TP63: variants seen among roughly 807,000 people sequenced by gnomAD.
The protein encoded by TP63 is tumor protein 63.
In TP63, 17 loss-of-function variants were observed where a neutral mutation model predicts 82.8. The observed-to-expected ratio is 0.21, with a 90% CI of 0.14 to 0.31. The LOEUF is 0.31. Ranked by LOEUF, TP63 falls within the 10% of genes least tolerant of loss-of-function variation. TP63 has a pLI of 1.00. For missense variants in TP63, 648 were observed against 895.3 expected, an observed-to-expected ratio of 0.72 and a Z score of 3.52; for synonymous variants, 330 against 321.7, an observed-to-expected ratio of 1.03 and a Z score of -0.28.
intron 4 of TP63, among the ~76,000 whole-genome samples, chr3:189,813,767 G>C (rs1367752964): frequency 2.0e-5 from 3 of 152,174 alleles, no homozygotes; most frequent in African/African-American, 7.2e-5. Context: ...CCAGCACACA[G>C]TAAACCTTTA....
In TP63 at chr3:189,818,794, C is replaced by T. The variant is rs371533341; in HGVS notation, c.579+10268C>T. ...TTTACTCTTCCTGCCTGATACCCCACTCCCCAAAACAGAGTAGTCTTGAGG... is the reference window on the plus strand; with the variant it reads ...TTTACTCTTCCTGCCTGATACCCCATTCCCCAAAACAGAGTAGTCTTGAGG... On this transcript the variant is annotated intron_variant, in intron 4 of 13. Transcript: ENST00000264731. Among the ~76,000 whole-genome samples, 4 of 152,124 alleles carry T rather than the reference C, an allele frequency of 2.6e-5. No individual in the cohort carries two copies. The South Asian group carries it at 8.3e-4, about 32-fold the overall frequency.
At chr3:189,749,410 G>T (rs1209050235) in intron 3 of TP63, among the ~76,000 whole-genome samples, 2 of 152,054 alleles carry the variant, frequency 1.3e-5, no homozygotes, top group Non-Finnish European at 1.5e-5. Flanking sequence ...TTCAAAAAAA[G>T]ATGTAAAAAT....
chr3:189,717,860 G>A (rs1429367535), intron 1 of TP63, among the ~76,000 whole-genome samples: 1 of 152,302 alleles, frequency 6.6e-6, no homozygotes, highest in East Asian at 1.9e-4. Flanking sequence ...CATAGAGTTA[G>A]TAGTAACAGG....
chr3:189,771,605 T>C (rs1232813596), intron 3 of TP63, among the ~76,000 whole-genome samples: 1 of 150,638 alleles, frequency 6.6e-6, no homozygotes, highest in African/African-American at 2.5e-5. Flanking sequence ...ATTGCCTTCC[T>C]GTTAATAATG....
At chr3:189,757,863 C>G (rs999189050) in intron 3 of TP63, among the ~76,000 whole-genome samples, 2 of 152,052 alleles carry the variant, frequency 1.3e-5, no homozygotes, top group African/African-American at 4.8e-5. Flanking sequence ...AAGGCAGTCT[C>G]CCGATAGATA....
Position 189,859,518 on chromosome 3 carries a change from A to G in TP63, c.580-4714A>G, listed in dbSNP as rs541545817. Among the ~76,000 whole-genome samples the G allele has an allele frequency of 1.8e-4, 28 of 152,328 alleles. No homozygotes were observed. In the East Asian group the frequency reaches 5.0e-3, roughly 27 times the overall value. On this transcript the variant is annotated intron_variant, in intron 4 of 13. Coordinates refer to ENST00000264731, the MANE Select transcript of TP63 (RefSeq NM_003722.5). Reference sequence around the variant, plus strand: ...ATTTAAACCACAATGAGATCTGCATACATACCAGAATGACATCAATTAAAA... The same window carrying G: ...ATTTAAACCACAATGAGATCTGCATGCATACCAGAATGACATCAATTAAAA...
the TP63 span, among the ~76,000 whole-genome samples, chr3:189,625,130 A>G: frequency 6.6e-6 from 1 of 152,190 alleles, no homozygotes; most frequent in Non-Finnish European, 1.5e-5. Flanking sequence ...CTATGTTACA[A>G]TTTATGACAA....
chr3:189,706,617 C>T (rs1577276035), intron 1 of TP63, among the ~76,000 whole-genome samples: 2 of 152,282 alleles, frequency 1.3e-5, no homozygotes, highest in South Asian at 2.1e-4. Context: ...GCCGTGGGCT[C>T]TCTGCATCTT....
Position 189,886,537 on chromosome 3 carries a change from G to T in TP63, c.1493G>T (p.Gly498Val). 6.2e-7 allele frequency: 1 copy of T among 1,614,044 alleles called. No individual in the cohort carries two copies. Among genetic ancestry groups the T allele is most frequent in the Non-Finnish European group, 8.5e-7 (1 of 1,179,984 alleles). ...CTCACTCCTACAACCATTCCTGATGGCATGGGAGCCAACAGTAAGAGCATC... is the reference window on the plus strand; with the variant it reads ...CTCACTCCTACAACCATTCCTGATGTCATGGGAGCCAACAGTAAGAGCATC... ...NALTPTTIPD[G>V]MGANIPMMGT... is the part of the protein sequence containing the mutation. The change falls in exon 11 of 14, where the codon GGC (glycine) becomes GTC (valine). Residue 498 changes from glycine to valine, a missense_variant. By Grantham distance (109) the Gly-to-Val change is moderately radical. Transcript: ENST00000264731.
chr3:189,697,823 A>G (rs911312666), intron 1 of TP63, among the ~76,000 whole-genome samples: 1 of 150,610 alleles, frequency 6.6e-6, no homozygotes, highest in South Asian at 2.1e-4. Flanking sequence ...ATAAATTTCT[A>G]TAAATTTTCA....
chr3:189,771,107 T>G (rs973720630), intron 3 of TP63, among the ~76,000 whole-genome samples: 2 of 151,392 alleles, frequency 1.3e-5, no homozygotes, highest in African/African-American at 4.9e-5. Flanking sequence ...TTAGTATGTA[T>G]GACTAATTAA....
At position 189,897,047 on chromosome 3, in the gene TP63, C is replaced by A; in HGVS notation, c.*2545C>A. The A allele has an allele frequency of 9.0e-6, 2 of 221,862 alleles. No homozygotes were observed. Among genetic ancestry groups the A allele is most frequent in the Non-Finnish European group, 1.8e-5 (2 of 111,324 alleles). 13.7% of individuals were successfully genotyped at this position (221,862 alleles called of 1,614,324 possible). A position where few individuals can be genotyped will look rare whatever the true frequency, so the allele number is the denominator to read the frequency against. On this transcript the variant is annotated 3_prime_UTR_variant, in exon 14 of 14. Coordinates refer to ENST00000264731, the MANE Select transcript of TP63 (RefSeq NM_003722.5). Reference sequence around the variant, plus strand: ...TTGAATGTTAAAGGGATATTTTTTTCTATTATTTTTATAATTGTACAAAAT... The same window carrying A: ...TTGAATGTTAAAGGGATATTTTTTTATATTATTTTTATAATTGTACAAAAT...
At chr3:189,789,066 C>T (rs1005387390) in intron 3 of TP63, among the ~76,000 whole-genome samples, 4 of 151,826 alleles carry the variant, frequency 2.6e-5, no homozygotes, top group Non-Finnish European at 4.4e-5. Flanking sequence ...GAAACATGCT[C>T]GAAAAAATCA....
intron 4 of TP63, among the ~76,000 whole-genome samples, chr3:189,849,448 G>A (rs1333760317): frequency 6.6e-6 from 1 of 152,080 alleles, no homozygotes; most frequent in Non-Finnish European, 1.5e-5. Context: ...AGGACACCCA[G>A]CTTGGTGTCT....
intron 4 of TP63, among the ~76,000 whole-genome samples, chr3:189,824,105 C>G (rs1729080130): frequency 6.6e-6 from 1 of 152,108 alleles, no homozygotes; most frequent in South Asian, 2.1e-4. Context: ...GAGGAGAAAC[C>G]AAAGCAGTCC....
At chr3:189,740,241 T>A (rs1003033806) in intron 3 of TP63, among the ~76,000 whole-genome samples, 2 of 152,192 alleles carry the variant, frequency 1.3e-5, no homozygotes, top group African/African-American at 4.8e-5. Flanking sequence ...TTGGACTATA[T>A]CATAATTCAA....
Position 189,749,337 on chromosome 3 carries a change from T to TA in TP63, c.324+10570dup, listed in dbSNP as rs1392718636. On this transcript the variant is annotated intron_variant, in intron 3 of 13. Transcript: ENST00000264731. ...ATATATGAGGAACTCAAGTCAACAGTAAAAAAATAAATAATCCCGTAAAAA... is the reference window on the plus strand; with the variant it reads ...ATATATGAGGAACTCAAGTCAACAGTAAAAAAAATAAATAATCCCGTAAAAA... 2.6e-5 allele frequency among the ~76,000 whole-genome samples: 4 copies of TA among 151,620 alleles called. No individual in the cohort carries two copies. The East Asian group carries it at 5.8e-4, about 22-fold the overall frequency.
chr3:189,615,740 A>G, the TP63 span, among the ~76,000 whole-genome samples: 1 of 152,180 alleles, frequency 6.6e-6, no homozygotes, highest in Non-Finnish European at 1.5e-5. Flanking sequence ...TCGTTACCTC[A>G]GGCCATTTCT....
intron 13 of TP63, among the ~76,000 whole-genome samples, chr3:189,891,558 A>C (rs772179475): frequency 6.6e-6 from 1 of 152,230 alleles, no homozygotes; most frequent in Non-Finnish European, 1.5e-5. Flanking sequence ...TTTAGTAGCA[A>C]TGAGAACTTG....
Sources: allele counts gnomAD v4.1 joint callset (sites outside exome capture counted in the v4.1 genomes callset), GRCh38; gene constraint gnomAD v4.1.1; transcripts MANE v1.5; gene names NCBI Gene and HGNC (gene_info 2026-07-23, HGNC 2026-07-21).